Variants in WRNIP1 observed in about 807,000 individuals in gnomAD.
The protein encoded by WRNIP1 is ATPase WRNIP1.
Under a neutral mutation model 56.1 loss-of-function variants are expected in WRNIP1, and 41 were observed. The observed-to-expected ratio is 0.73, with a 90% CI of 0.57 to 0.95. WRNIP1 has a LOEUF of 0.95. WRNIP1 is among the 40% of genes least tolerant of loss of function. WRNIP1 has a pLI of 0.00. For synonymous variants in WRNIP1, 547 were observed against 398.1 expected (o/e 1.37, Z -4.45); for missense variants, 1,170 against 939.4 (o/e 1.25, Z -3.21).
intron 5 of WRNIP1, among the ~76,000 whole-genome samples, chr6:2,783,898 C>T (rs559227002): frequency 1.5e-4 from 23 of 152,142 alleles, no homozygotes; most frequent in African/African-American, 5.1e-4. Flanking sequence ...GTCAGGTGTT[C>T]AAGGTTTTCT....
intron 3 of WRNIP1, among the ~76,000 whole-genome samples, chr6:2,775,800 C>A (rs1016814264): frequency 6.6e-6 from 1 of 152,206 alleles, no homozygotes; most frequent in Non-Finnish European, 1.5e-5. Flanking sequence ...GAAATAGAAT[C>A]TTTTCCAATG....
chr6:2,784,917 G>C (rs906331636), intron 6 of WRNIP1, 90 bp from the exon 7 acceptor site: 2 of 1,496,648 alleles, frequency 1.3e-6, no homozygotes, highest in Non-Finnish European at 1.8e-6. Flanking sequence ...GATCTTCTCA[G>C]AATTACCTAG....
intron 1 of WRNIP1, among the ~76,000 whole-genome samples, chr6:2,766,735 C>T (rs1434387202): frequency 1.3e-5 from 2 of 152,188 alleles, no homozygotes; most frequent in South Asian, 2.1e-4. Context: ...TTTGATCTGC[C>T]TTTATCTTCC....
chr6:2,784,603 A>G (rs1056404420), intron 6 of WRNIP1, among the ~76,000 whole-genome samples, 200 bp downstream of exon 6: 3 of 152,164 alleles, frequency 2.0e-5, no homozygotes, highest in East Asian at 1.9e-4. Flanking sequence ...TCATGTTTCA[A>G]ACTGTTCTCG....
intron 1 of WRNIP1, among the ~76,000 whole-genome samples, chr6:2,767,233 A>G (rs975430187): frequency 2.8e-4 from 42 of 152,342 alleles, no homozygotes; most frequent in African/African-American, 1.0e-3. Flanking sequence ...TGAGAAAAAA[A>G]TGGAGGAGGT....
intron 1 of WRNIP1, among the ~76,000 whole-genome samples, chr6:2,767,745 G>A (rs1431028913): frequency 1.3e-5 from 2 of 152,218 alleles, no homozygotes; most frequent in African/African-American, 4.8e-5. Context: ...TTAGGGAGAC[G>A]AGTGGGTGAG....
At chr6:2,774,720 C>T (rs762308713) in intron 3 of WRNIP1, among the ~76,000 whole-genome samples, 75 of 152,176 alleles carry the variant, frequency 4.9e-4, no homozygotes, top group Admixed American at 5.2e-4. Context: ...AAGACATGTG[C>T]CTCCATGGGA....
chr6:2,769,617 C>G (rs185802453), intron 2 of WRNIP1, among the ~76,000 whole-genome samples: 1 of 152,220 alleles, frequency 6.6e-6, no homozygotes, highest in Non-Finnish European at 1.5e-5. Context: ...GAGGCGTTAG[C>G]ATTCTAGGTT....
intron 6 of WRNIP1, 36 bp from the exon 7 acceptor site, chr6:2,784,971 C>G (rs367934011): frequency 6.2e-7 from 1 of 1,608,066 alleles, no homozygotes. Flanking sequence ...AGCTTGGCAT[C>G]TTGCTAGTAA....
intron 3 of WRNIP1, 83 bp from the exon 4 acceptor site, chr6:2,779,180 A>G: frequency 7.1e-7 from 1 of 1,405,510 alleles, no homozygotes; most frequent in Admixed American, 1.8e-5. Context: ...GTCCTTGCTG[A>G]GAAGTATGAG....
intron 2 of WRNIP1, 29 bp downstream of exon 2, chr6:2,768,911 C>A (rs1413429903): frequency 6.3e-7 from 1 of 1,578,040 alleles, no homozygotes; most frequent in South Asian, 1.2e-5. Context: ...ACCTTTTGGT[C>A]GTTGTGAACA....
Position 2,786,483 on chromosome 6 carries a change from C to T in WRNIP1, c.*1201C>T, listed in dbSNP as rs1277273229. The T allele has an allele frequency of 6.6e-6, 1 of 152,446 alleles. No homozygotes were observed. Among genetic ancestry groups the T allele is most frequent in the Admixed American group, 6.5e-5 (1 of 15,276 alleles). The allele number at this position is 152,446 out of a possible 1,614,324, so 9.4% of individuals were successfully genotyped here. A position where few individuals can be genotyped will look rare whatever the true frequency, so the allele number is the denominator to read the frequency against. The stretch of plus-strand genomic sequence containing the variant: ...CCCCAGAATCTCCCTTCATCATCAC[C>T]CTGGAGCTTTCCTCTGCTTCTCCCT... On this transcript the variant is annotated 3_prime_UTR_variant, in exon 7 of 7. Transcript: ENST00000380773.
intron 5 of WRNIP1, 115 bp from the exon 6 acceptor site, chr6:2,784,209 G>A (rs1436343283): frequency 1.8e-5 from 15 of 855,080 alleles, no homozygotes; most frequent in Non-Finnish European, 2.7e-5. Flanking sequence ...TTGCTACATG[G>A]GATTGTTTTG....
rs746228836 is a variant in WRNIP1 at position 2,765,649 on chromosome 6, C to G, written c.27C>G (p.Asp9Glu). Reference protein sequence around the residue: MEVSGPEDDPFLSQLHQVQ... With the variant: MEVSGPEDEPFLSQLHQVQ... ...TGGAGGTGAGCGGGCCGGAAGACGA[C>G]CCCTTCCTTTCGCAGCTGCACCAGG... Residue 9 changes from aspartate to glutamate, a missense_variant, in exon 1 of 7, where the codon GAC (aspartate) becomes GAG (glutamate). Transcript: ENST00000380773. 1.3e-6 allele frequency: 2 copies of G among 1,545,798 alleles called. No individual in the cohort carries two copies. The highest frequency in any genetic ancestry group is 2.9e-5 in the African/African-American group (2 of 70,146).
At chr6:2,780,104 A>G (rs1034519004) in intron 4 of WRNIP1, among the ~76,000 whole-genome samples, 2 of 152,240 alleles carry the variant, frequency 1.3e-5, no homozygotes, top group African/African-American at 4.8e-5. Context: ...AAATGTCATT[A>G]GCACAGCACA....
At position 2,770,331 on chromosome 6, in the gene WRNIP1, C is replaced by A. The variant is rs761392790; in HGVS notation, c.1226C>A (p.Pro409His). ...CTAGACTCTAGCCGTCCCACTGACCCTCTGAGCCACAGCAGCAACAGCAGC... is the reference window on the plus strand; with the variant it reads ...CTAGACTCTAGCCGTCCCACTGACCATCTGAGCCACAGCAGCAACAGCAGC... ...HVLDSSRPTD[P>H]LSHSSNSSSE... The change falls in exon 3 of 7, where the codon CCT becomes CAT. Residue 409 changes from proline to histidine, a missense_variant. Pro to His is a moderately conservative substitution (Grantham distance 77). Transcript: ENST00000380773. The A allele has an allele frequency of 2.5e-6, 4 of 1,614,172 alleles. No homozygotes were observed. In the South Asian group the frequency reaches 3.3e-5, roughly 13 times the overall value.
intron 2 of WRNIP1, 114 bp downstream of exon 2, chr6:2,768,996 G>T: frequency 9.0e-7 from 1 of 1,105,298 alleles, no homozygotes; most frequent in South Asian, 1.8e-5. Flanking sequence ...AAGAAGCGTA[G>T]GCTTGTGAAC....
chr6:2,781,854 GT>G (rs1382013029), intron 4 of WRNIP1, among the ~76,000 whole-genome samples: 1 of 152,164 alleles, frequency 6.6e-6, no homozygotes, highest in Non-Finnish European at 1.5e-5. Context: ...AAGTGGTCTC[GT>G]TTTTCCCATT....
At chr6:2,769,410 A>T (rs958024902) in intron 2 of WRNIP1, among the ~76,000 whole-genome samples, 2 of 151,794 alleles carry the variant, frequency 1.3e-5, no homozygotes, top group Admixed American at 1.3e-4. Flanking sequence ...TTAGGGATTT[A>T]AAAAAAAATA....
Sources: gnomAD v4.1 joint callset for allele counts (sites outside exome capture counted in the v4.1 genomes callset) on GRCh38, gnomAD v4.1.1 for gene constraint, MANE v1.5 for transcripts, NCBI Gene and HGNC (gene_info 2026-07-23, HGNC 2026-07-21) for gene names.